The following ERC1 variants were observed in gnomAD, a reference collection of about 807,000 sequenced individuals.
ERC1 encodes RAB6 interacting protein 2.
Under a neutral mutation model 132.0 loss-of-function variants are expected in ERC1, and 56 were observed. The ratio of observed to expected loss-of-function variants is 0.42; its 90% CI spans 0.34 to 0.53. The LOEUF (loss-of-function observed/expected upper bound fraction) is 0.53. ERC1 is among the 20% of genes least tolerant of loss of function. The pLI, the probability that ERC1 is intolerant of heterozygous loss-of-function variation, is 0.03. For synonymous variants in ERC1, 478 were observed against 476.1 expected, an observed-to-expected ratio of 1.00 and a Z score of -0.05; for missense variants, 1,202 against 1,349.9, an observed-to-expected ratio of 0.89 and a Z score of 1.72.
chr12:1,489,152 T>C (rs1339863285), intron 18 of ERC1, among the ~76,000 whole-genome samples: 1 of 152,166 alleles, frequency 6.6e-6, no homozygotes. Context: ...GTGCCTTACA[T>C]TCCTGCCATC....
At chr12:1,101,873 C>T (rs1300156958) in intron 3 of ERC1, among the ~76,000 whole-genome samples, 1 of 152,138 alleles carries the variant, frequency 6.6e-6, no homozygotes, top group Admixed American at 6.5e-5. Context: ...TGATGGAGCC[C>T]GTAGGCCCTA....
At chr12:1,393,226 C>T (rs1300060473) in intron 16 of ERC1, among the ~76,000 whole-genome samples, 2 of 152,222 alleles carry the variant, frequency 1.3e-5, no homozygotes, top group African/African-American at 2.4e-5. Context: ...TCCCTCAGAA[C>T]ATCTAGCTTT....
At chr12:1,308,285 G>A (rs935713525) in intron 15 of ERC1, among the ~76,000 whole-genome samples, 2 of 151,454 alleles carry the variant, frequency 1.3e-5, no homozygotes, top group Non-Finnish European at 2.9e-5. Context: ...GAATCCCAGA[G>A]TATTGCAACA....
Position 1,237,683 on chromosome 12 carries a change from C to T in ERC1, c.2487+779C>T, listed in dbSNP as rs540299296. Among the ~76,000 whole-genome samples the T allele has an allele frequency of 6.0e-4, 92 of 152,308 alleles. 1 individual carries two copies. The highest frequency in any genetic ancestry group is 2.1e-3 in the African/African-American group (88 of 41,574). ...TGCACACAGCTTCTAAATGGCTCAG[C>T]CATGATTTTAACTGGGACTTCCTGA... On this transcript the variant is annotated intron_variant, in intron 13 of 18. Transcript: ENST00000360905.
At chr12:1,065,520 GTT>G (rs1491577767) in intron 2 of ERC1, among the ~76,000 whole-genome samples, 2 of 137,662 alleles carry the variant, frequency 1.5e-5, no homozygotes, top group African/African-American at 2.7e-5. Flanking sequence ...GTGTGTGTGT[GTT>G]TGTATATTGC....
At chr12:1,405,112 C>G (rs943523881) in intron 16 of ERC1, among the ~76,000 whole-genome samples, 7 of 149,942 alleles carry the variant, frequency 4.7e-5, no homozygotes, top group African/African-American at 1.2e-4. Context: ...TGCATTCCAG[C>G]CTGGGCAAGA....
At chr12:1,446,179 C>T (rs2093299267) in intron 18 of ERC1, among the ~76,000 whole-genome samples, 1 of 152,052 alleles carries the variant, frequency 6.6e-6, no homozygotes, top group Admixed American at 6.5e-5. Context: ...CTCTTTTTTA[C>T]ATGTTGTGAT....
chr12:1,127,434 A>G (rs1210465307), intron 7 of ERC1, among the ~76,000 whole-genome samples: 1 of 152,206 alleles, frequency 6.6e-6, no homozygotes, highest in Non-Finnish European at 1.5e-5. Flanking sequence ...GATATGTACC[A>G]TGGAATACTG....
intron 12 of ERC1, among the ~76,000 whole-genome samples, chr12:1,197,577 C>G (rs1481379853): frequency 6.6e-6 from 1 of 152,204 alleles, no homozygotes; most frequent in African/African-American, 2.4e-5. Context: ...TGTTTTGCTG[C>G]TAGGGGCCAG....
chr12:1,361,876 T>C (rs1462774756), intron 15 of ERC1, among the ~76,000 whole-genome samples: 1 of 152,050 alleles, frequency 6.6e-6, no homozygotes, highest in African/African-American at 2.4e-5. Flanking sequence ...CAGAGTTCAC[T>C]GGGACCTTCT....
intron 17 of ERC1, among the ~76,000 whole-genome samples, chr12:1,410,992 G>A (rs759886993): frequency 6.6e-6 from 1 of 151,942 alleles, no homozygotes; most frequent in Non-Finnish European, 1.5e-5. Context: ...CAGCACCTCG[G>A]ACACATCCCC....
chr12:1,433,224 G>A (rs780303457), intron 17 of ERC1, among the ~76,000 whole-genome samples: 7 of 152,188 alleles, frequency 4.6e-5, no homozygotes, highest in East Asian at 3.8e-4. Context: ...AGTAACTGAC[G>A]TGAGAGCAGA....
intron 15 of ERC1, among the ~76,000 whole-genome samples, chr12:1,327,028 T>C (rs761802310): frequency 1.3e-5 from 2 of 152,206 alleles, no homozygotes; most frequent in African/African-American, 4.8e-5. Context: ...GGTTCATAAA[T>C]GCTGGGGATT....
At chr12:1,067,652 T>C (rs1010627810) in intron 2 of ERC1, among the ~76,000 whole-genome samples, 3 of 152,068 alleles carry the variant, frequency 2.0e-5, no homozygotes, top group Non-Finnish European at 4.4e-5. Context: ...GTTTTAGTTT[T>C]CTCAAAATAG....
chr12:1,093,400 A>G (rs7316905), intron 3 of ERC1, among the ~76,000 whole-genome samples: 150,919 of 152,262 alleles, frequency 0.99, 74,805 homozygotes, highest in East Asian at 1. Flanking sequence ...GTTAGTGCTG[A>G]GGGCTTGACA....
chr12:1,401,189 C>A (rs988025895), intron 16 of ERC1, among the ~76,000 whole-genome samples: 1 of 152,010 alleles, frequency 6.6e-6, no homozygotes. Context: ...CCGTCTCAGC[C>A]TTCCAAAGTG....
chr12:1,344,578 C>G (rs2084254445), intron 15 of ERC1, among the ~76,000 whole-genome samples: 1 of 152,152 alleles, frequency 6.6e-6, no homozygotes. Context: ...TCATTTAACT[C>G]TTGACTAAAG....
intron 2 of ERC1, among the ~76,000 whole-genome samples, chr12:1,077,385 A>G (rs1010497811): frequency 6.6e-6 from 1 of 152,194 alleles, no homozygotes; most frequent in East Asian, 1.9e-4. Context: ...AAAATATATG[A>G]ATAGTAGTTG....
chr12:1,277,156 A>G (rs1407744210), intron 14 of ERC1, among the ~76,000 whole-genome samples: 1 of 152,194 alleles, frequency 6.6e-6, no homozygotes, highest in African/African-American at 2.4e-5. Context: ...TGAATGTGCA[A>G]AATTGTAGGC....
Sources: allele counts gnomAD v4.1 joint callset (sites outside exome capture counted in the v4.1 genomes callset), GRCh38; gene constraint gnomAD v4.1.1; transcripts MANE v1.5; gene names NCBI Gene and HGNC (gene_info 2026-07-23, HGNC 2026-07-21).